Variants in CACUL1 observed in about 807,000 individuals in gnomAD.
CACUL1 encodes CDK2 associated cullin domain 1.
Under a neutral mutation model 45.2 loss-of-function variants are expected in CACUL1, and 13 were observed. That is an observed-to-expected ratio of 0.29 (90% confidence interval 0.19 to 0.46). The LOEUF (loss-of-function observed/expected upper bound fraction) is 0.46. Ranked by LOEUF, CACUL1 falls within the 20% of genes least tolerant of loss-of-function variation. CACUL1 has a pLI of 1.00. For missense variants in CACUL1, 421 were observed against 471.4 expected (o/e 0.89, Z 0.99); for synonymous variants, 197 against 174.2 (o/e 1.13, Z -1.03).
intron 3 of CACUL1, among the ~76,000 whole-genome samples, chr10:118,727,208 G>A (rs990770458): frequency 6.6e-6 from 1 of 151,786 alleles, no homozygotes; most frequent in Admixed American, 6.6e-5. Flanking sequence ...GAGCAACACG[G>A]CAAAACCCCA....
intron 7 of CACUL1, among the ~76,000 whole-genome samples, chr10:118,688,855 C>G (rs1259523104): frequency 6.6e-6 from 1 of 152,178 alleles, no homozygotes; most frequent in Non-Finnish European, 1.5e-5. Flanking sequence ...AATTCCAGCT[C>G]AAATGAGAAT....
At position 118,676,447 on chromosome 10, in the gene CACUL1, TCAA is replaced by T. The variant is rs1564824389; in HGVS notation, c.*9678_*9680del. The T allele has an allele frequency of 6.6e-6, 1 of 152,214 alleles. No individual in the cohort carries two copies. Among genetic ancestry groups the T allele is most frequent in the Non-Finnish European group, 1.5e-5 (1 of 68,032 alleles). 9.4% of individuals were successfully genotyped at this position (152,214 alleles called of 1,614,324 possible). ...AAGATGAAAATTTATTATAAAAATT[TCAA>T]CAACACACTTTTGCAAAATTGGTGG... On this transcript the variant is annotated 3_prime_UTR_variant, in exon 9 of 9. Transcript: ENST00000369151.
At chr10:118,753,886 G>C (rs1011829963) in intron 1 of CACUL1, among the ~76,000 whole-genome samples, 1 of 152,212 alleles carries the variant, frequency 6.6e-6, no homozygotes, top group African/African-American at 2.4e-5. Flanking sequence ...AAGGAACAAG[G>C]TGTAGATATA....
intron 3 of CACUL1, among the ~76,000 whole-genome samples, chr10:118,720,758 A>T (rs942996022): frequency 3.3e-5 from 5 of 152,248 alleles, no homozygotes; most frequent in Non-Finnish European, 7.3e-5. Context: ...ATGAAGGCAC[A>T]TGAAAATACA....
intron 3 of CACUL1, among the ~76,000 whole-genome samples, chr10:118,727,403 T>TTA (rs374771393): frequency 6.9e-6 from 1 of 144,546 alleles, no homozygotes; most frequent in African/African-American, 2.6e-5. Flanking sequence ...TCAAAAAAAT[T>TTA]AAAAAAAAAA....
At chr10:118,708,632 A>T (rs1166180854) in intron 3 of CACUL1, among the ~76,000 whole-genome samples, 1 of 152,194 alleles carries the variant, frequency 6.6e-6, no homozygotes, top group Non-Finnish European at 1.5e-5. Flanking sequence ...CATACTAGGA[A>T]TAAGGAAGTA....
chr10:118,686,466 C>G, intron 8 of CACUL1, 132 bp downstream of exon 8: 1 of 782,860 alleles, frequency 1.3e-6, no homozygotes, highest in Non-Finnish European at 2.2e-6. Context: ...AGCATCCTGA[C>G]CTTGATTACA....
intron 1 of CACUL1, among the ~76,000 whole-genome samples, chr10:118,745,153 T>A (rs1310437729): frequency 6.6e-6 from 1 of 152,202 alleles, no homozygotes. Context: ...TAGACTGTTG[T>A]AAGTTAAACT....
intron 1 of CACUL1, among the ~76,000 whole-genome samples, chr10:118,753,463 A>G (rs1239915856): frequency 6.6e-6 from 1 of 152,212 alleles, no homozygotes; most frequent in Admixed American, 6.5e-5. Flanking sequence ...TAATAATAGG[A>G]GAGAAAAACC....
In CACUL1 at chr10:118,725,501, C is replaced by T. The variant is rs527565169; in HGVS notation, c.597+3794G>A. Among the ~76,000 whole-genome samples, 119 of 151,950 alleles carry T rather than the reference C, an allele frequency of 7.8e-4. 1 individual carries two copies. The highest frequency in any genetic ancestry group is 3.4e-3 in the Middle Eastern group (1 of 292). On this transcript the variant is annotated intron_variant, in intron 3 of 8. Coordinates refer to ENST00000369151, the MANE Select transcript of CACUL1 (RefSeq NM_153810.5). ...ATAAGAAGAGCGGAGTTAATAAGGACGAGAAAAGAGCCTGGTTTAAAAAAA... is the reference window on the plus strand; with the variant it reads ...ATAAGAAGAGCGGAGTTAATAAGGATGAGAAAAGAGCCTGGTTTAAAAAAA...
At position 118,717,457 on chromosome 10, in the gene CACUL1, C is replaced by T. The variant is rs541304983; in HGVS notation, c.598-9870G>A. On this transcript the variant is annotated intron_variant, in intron 3 of 8. Transcript: ENST00000369151. ...CCCCCTCAGCTTAGAATGCAGAAAG[C>T]TGTGAAAGAACATCACTCCCACTCT... is the stretch of plus-strand genomic sequence containing the variant. 1.1e-4 allele frequency among the ~76,000 whole-genome samples: 17 copies of T among 152,234 alleles called. No individual in the cohort carries two copies. The South Asian group carries it at 3.5e-3, about 32-fold the overall frequency.
At chr10:118,754,074 G>T (rs1217934141) in intron 1 of CACUL1, among the ~76,000 whole-genome samples, 2 of 152,206 alleles carry the variant, frequency 1.3e-5, no homozygotes, top group Non-Finnish European at 2.9e-5. Flanking sequence ...GAAGACGGGT[G>T]CGAAAAGAGC....
rs1050055617 is a variant in CACUL1 at position 118,683,209 on chromosome 10, G to A, written c.*2919C>T. 4 of 151,958 alleles carry A rather than the reference G, an allele frequency of 2.6e-5. No homozygotes were observed. The highest frequency in any genetic ancestry group is 5.9e-5 in the Non-Finnish European group (4 of 67,998). The allele number at this position is 151,958 out of a possible 1,614,324, so 9.4% of individuals were successfully genotyped here. A position where few individuals can be genotyped will look rare whatever the true frequency, so the allele number is the denominator to read the frequency against. ...TGACTGACCCGGCTTTCCTTTTAAG[G>A]AGCCAGTTTCAGGCTGCACATACAT... On this transcript the variant is annotated 3_prime_UTR_variant, in exon 9 of 9. Coordinates refer to ENST00000369151, the MANE Select transcript of CACUL1 (RefSeq NM_153810.5).
In CACUL1 at chr10:118,726,295, G is replaced by A. The variant is rs756801166; in HGVS notation, c.597+3000C>T. The A allele has an allele frequency of 8.6e-6, 11 of 1,281,360 alleles. No individual in the cohort carries two copies. In the South Asian group the frequency reaches 8.7e-5, roughly 10 times the overall value. The allele number at this position is 1,281,360 out of a possible 1,614,324, so 79.4% of individuals were successfully genotyped here. On this transcript the variant is annotated intron_variant, in intron 3 of 8. Coordinates refer to ENST00000369151, the MANE Select transcript of CACUL1 (RefSeq NM_153810.5). ...ATGCTTACAAATCTAGAGAGCACAG[G>A]AGTAGTGGTCATCTGAAGCTAATTA...
At chr10:118,730,907 G>A (rs1845692041) in intron 1 of CACUL1, among the ~76,000 whole-genome samples, 2 of 152,170 alleles carry the variant, frequency 1.3e-5, no homozygotes, top group South Asian at 2.1e-4. Flanking sequence ...TCACAAAGAG[G>A]TTGCTGTAAA....
At chr10:118,741,559 A>G (rs973082905) in intron 1 of CACUL1, among the ~76,000 whole-genome samples, 1 of 152,036 alleles carries the variant, frequency 6.6e-6, no homozygotes, top group African/African-American at 2.4e-5. Flanking sequence ...CAAACCAGCA[A>G]TCTTTAATCT....
At chr10:118,695,068 T>C in intron 6 of CACUL1, 73 bp downstream of exon 6, 2 of 932,972 alleles carry the variant, frequency 2.1e-6, no homozygotes, top group Non-Finnish European at 3.5e-6. Context: ...ACAAAACACA[T>C]ACAGAACCAC....
Position 118,752,939 on chromosome 10 carries a change from T to C in CACUL1, c.367+1457A>G, listed in dbSNP as rs576196846. Among the ~76,000 whole-genome samples the C allele has an allele frequency of 3.3e-5, 5 of 152,260 alleles. 1 individual carries two copies. The South Asian group carries it at 1.0e-3, about 31-fold the overall frequency. ...TTCCATTTTTCATTTATTTGCATCTTTTTTTCTTGTCGTTTTTATCAGAGG... is the reference window on the plus strand; with the variant it reads ...TTCCATTTTTCATTTATTTGCATCTCTTTTTCTTGTCGTTTTTATCAGAGG... On this transcript the variant is annotated intron_variant, in intron 1 of 8. Transcript: ENST00000369151.
intron 7 of CACUL1, among the ~76,000 whole-genome samples, chr10:118,687,671 A>G (rs1347054858): frequency 6.6e-6 from 1 of 152,178 alleles, no homozygotes; most frequent in East Asian, 1.9e-4. Context: ...TTAAAAATTA[A>G]TTCCAACCCA....
Sources: allele counts gnomAD v4.1 joint callset (sites outside exome capture counted in the v4.1 genomes callset), GRCh38; gene constraint gnomAD v4.1.1; transcripts MANE v1.5; gene names NCBI Gene and HGNC (gene_info 2026-07-23, HGNC 2026-07-21).